EGFL6: variants seen among roughly 807,000 people sequenced by gnomAD.
EGFL6 encodes EGF like domain multiple 6.
A neutral mutation model predicts 43.1 loss-of-function variants in EGFL6; 42 were observed. The ratio of observed to expected loss-of-function variants is 0.98; its 90% CI spans 0.76 to 1.26. The LOEUF is 1.26. EGFL6 is among the 50% of genes most tolerant of loss of function. The pLI is 0.00. For synonymous variants in EGFL6, 164 were observed against 163.2 expected (o/e 1.01, Z -0.04); for missense variants, 429 against 427.8 (o/e 1.00, Z -0.02).
At chrX:13,573,044 C>A (rs1382235181) in intron 1 of EGFL6, among the ~76,000 whole-genome samples, 1 of 112,171 alleles carries the variant, frequency 8.9e-6, no homozygotes, top group African/African-American at 3.2e-5. Flanking sequence ...CTCTCTGATT[C>A]TTCCTTGTTT....
At chrX:13,578,768 G>A (rs918890850) in intron 1 of EGFL6, among the ~76,000 whole-genome samples, 10 of 108,219 alleles carry the variant, frequency 9.2e-5, no homozygotes, top group African/African-American at 2.1e-4. Flanking sequence ...ATCACACACC[G>A]GGGCCTGTCG....
intron 3 of EGFL6, among the ~76,000 whole-genome samples, chrX:13,595,964 C>T (rs1233866296): frequency 9.0e-6 from 1 of 111,008 alleles, no homozygotes; most frequent in Non-Finnish European, 1.9e-5. Flanking sequence ...AAGCCATCCT[C>T]CCGCCTTGCC....
At chrX:13,586,668 T>C (rs757775679) in intron 1 of EGFL6, among the ~76,000 whole-genome samples, 1 of 111,856 alleles carries the variant, frequency 8.9e-6, no homozygotes, top group South Asian at 3.7e-4. Flanking sequence ...ATATGAATTT[T>C]GGAGGACACA....
chrX:13,605,423 T>C (rs752980604), intron 5 of EGFL6, among the ~76,000 whole-genome samples: 1 of 106,512 alleles, frequency 9.4e-6, no homozygotes, highest in East Asian at 2.9e-4. Context: ...AAAAAAATAA[T>C]AAAAAATAGC....
At position 13,633,346 on chromosome X, in the gene EGFL6, C is replaced by A. The variant is rs1473224600; in HGVS notation, c.*251C>A. On this transcript the variant is annotated 3_prime_UTR_variant, in exon 12 of 12. Coordinates refer to ENST00000361306, the MANE Select transcript of EGFL6 (RefSeq NM_015507.4). ...AAAATATGGAAATGTCAGTTTATCT[C>A]CCCTCCTCAGTATATCTGATTTGTA... 7.4e-6 allele frequency: 2 copies of A among 271,518 alleles called. No individual in the cohort carries two copies. The highest frequency in any genetic ancestry group is 1.3e-5 in the Non-Finnish European group (2 of 158,342). The allele number at this position is 271,518 out of a possible 1,213,427, so 22.4% of individuals were successfully genotyped here.
At chrX:13,623,774 C>T (rs957785835) in intron 9 of EGFL6, 50 bp from the exon 10 acceptor site, 2 of 1,039,720 alleles carry the variant, frequency 1.9e-6, no homozygotes, top group Admixed American at 2.2e-5. Flanking sequence ...ATGTTAGACA[C>T]CTTCCTAATG....
intron 9 of EGFL6, among the ~76,000 whole-genome samples, chrX:13,622,930 A>G (rs773126473): frequency 1.8e-5 from 2 of 111,986 alleles, no homozygotes; most frequent in Non-Finnish European, 1.9e-5. Context: ...CACACCTGGA[A>G]TACCAGCATT....
At chrX:13,600,663 T>G (rs1256075184) in intron 4 of EGFL6, among the ~76,000 whole-genome samples, 1 of 101,863 alleles carries the variant, frequency 9.8e-6, no homozygotes, top group Non-Finnish European at 2.0e-5. Context: ...TTTGGGAGGC[T>G]GAGGCAGGTG....
Position 13,611,598 on chromosome X carries a change from A to G in EGFL6, c.778+3152A>G, listed in dbSNP as rs749429718. ...TGAAGGCAACATCTTTAAGCATGCA[A>G]TTAGATAGTTGTTTGCAGCCTGTGT... is the stretch of plus-strand genomic sequence containing the variant. On this transcript the variant is annotated intron_variant, in intron 7 of 11. Coordinates refer to ENST00000361306, the MANE Select transcript of EGFL6 (RefSeq NM_015507.4). Among the ~76,000 whole-genome samples the G allele has an allele frequency of 2.7e-5, 3 of 112,446 alleles. No homozygotes were observed. The East Asian group carries it at 8.3e-4, about 31-fold the overall frequency.
intron 1 of EGFL6, among the ~76,000 whole-genome samples, chrX:13,584,254 CAG>C (rs757417090): frequency 4.5e-5 from 5 of 111,449 alleles, no homozygotes; most frequent in Non-Finnish European, 9.4e-5. Flanking sequence ...TCTCAACATT[CAG>C]AGTTGATCCC....
chrX:13,618,020 A>T lies in EGFL6; in HGVS notation c.1069A>T (p.Ile357Leu). Residue 357 changes from isoleucine (I) to leucine (L), a missense_variant, in exon 8 of 12, where the codon ATA becomes TTA. Physicochemically the swap from Ile to Leu is conservative, Grantham distance 5. Transcript: ENST00000361306. ...AGAAGAGAAAGCCCTGAAGAATGACATAGAGGAGCGAAGCCTGCGAGGAGA... is the reference window on the plus strand; with the variant it reads ...AGAAGAGAAAGCCCTGAAGAATGACTTAGAGGAGCGAAGCCTGCGAGGAGA... ...KREEKALKND[I>L]EERSLRGDVF... 1 of 1,204,549 alleles carries T rather than the reference A, an allele frequency of 8.3e-7. No individual in the cohort carries two copies. Among genetic ancestry groups the T allele is most frequent in the East Asian group, 3.0e-5 (1 of 33,759 alleles).
At chrX:13,593,983 T>C (rs908520326) in intron 2 of EGFL6, among the ~76,000 whole-genome samples, 2 of 111,694 alleles carry the variant, frequency 1.8e-5, no homozygotes, top group African/African-American at 6.5e-5. Context: ...TGGCTATTTC[T>C]TGAGCTCCTA....
At chrX:13,577,449 A>G (rs2045480618) in intron 1 of EGFL6, among the ~76,000 whole-genome samples, 1 of 105,099 alleles carries the variant, frequency 9.5e-6, no homozygotes. Flanking sequence ...GTATATATAT[A>G]CATATTATAT....
chrX:13,584,734 C>T (rs2045525405), intron 1 of EGFL6, among the ~76,000 whole-genome samples: 1 of 112,242 alleles, frequency 8.9e-6, no homozygotes, highest in Non-Finnish European at 1.9e-5. Flanking sequence ...TCCATGAGGA[C>T]AGAAATCTTA....
chrX:13,581,800 G>T (rs1203493798), intron 1 of EGFL6, among the ~76,000 whole-genome samples: 3 of 112,165 alleles, frequency 2.7e-5, no homozygotes, highest in African/African-American at 9.7e-5. Context: ...GCTGTATAAT[G>T]CATTAAAGAA....
chrX:13,603,522 C>T (rs1169934272), intron 5 of EGFL6, 86 bp downstream of exon 5: 8 of 1,027,372 alleles, frequency 7.8e-6, no homozygotes, highest in Non-Finnish European at 1.0e-5. Flanking sequence ...TCACAATCAG[C>T]TTGTTGACTA....
At chrX:13,591,888 A>G (rs760929448) in intron 2 of EGFL6, among the ~76,000 whole-genome samples, 25 of 112,050 alleles carry the variant, frequency 2.2e-4, no homozygotes, top group Non-Finnish European at 4.1e-4. Context: ...GATGAAATAC[A>G]GAATTGTCCA....
At chrX:13,600,566 C>T (rs934540242) in intron 4 of EGFL6, among the ~76,000 whole-genome samples, 3 of 107,632 alleles carry the variant, frequency 2.8e-5, no homozygotes, top group Non-Finnish European at 3.8e-5. Context: ...GGATTACAGG[C>T]GTGAGCCACC....
intron 1 of EGFL6, among the ~76,000 whole-genome samples, chrX:13,573,887 T>A (rs1247779396): frequency 1.8e-5 from 2 of 112,685 alleles, no homozygotes; most frequent in African/African-American, 6.5e-5. Flanking sequence ...TGATCCTGTT[T>A]AGCTTGACTC....
Sources: allele counts gnomAD v4.1 joint callset (sites outside exome capture counted in the v4.1 genomes callset), GRCh38; gene constraint gnomAD v4.1.1; transcripts MANE v1.5; gene names NCBI Gene and HGNC (gene_info 2026-07-23, HGNC 2026-07-21).